Variants in TAS2R1 observed in about 807,000 individuals in gnomAD.
The protein encoded by TAS2R1 is taste receptor type 2 member 1.
For missense variants in TAS2R1, 370 were observed against 353.4 expected, an observed-to-expected ratio of 1.05 and a Z score of -0.38; for synonymous variants, 141 against 134.2, an observed-to-expected ratio of 1.05 and a Z score of -0.35.
chr5:9,666,766 C>A (rs765652916), intron 1 of TAS2R1, among the ~76,000 whole-genome samples: 3 of 152,034 alleles, frequency 2.0e-5, no homozygotes, highest in Non-Finnish European at 2.9e-5. Flanking sequence ...TCAGTTACAA[C>A]AACAAATGTG....
At chr5:9,847,133 T>G in the TAS2R1 span, among the ~76,000 whole-genome samples, 2 of 152,170 alleles carry the variant, frequency 1.3e-5, no homozygotes, top group Non-Finnish European at 2.9e-5. Context: ...TCACAAAACC[T>G]TACACGCTGA....
At chr5:9,635,028 C>G (rs1373250293), upstream of TAS2R1, among the ~76,000 whole-genome samples, 3 of 152,062 alleles carry the variant, frequency 2.0e-5, no homozygotes, top group East Asian at 5.8e-4. Flanking sequence ...TGTTCTAGTT[C>G]TCAGGGAGAA....
the TAS2R1 span, among the ~76,000 whole-genome samples, chr5:9,752,858 T>C: frequency 1.3e-5 from 2 of 152,294 alleles, no homozygotes; most frequent in African/African-American, 4.8e-5. Flanking sequence ...TTCATCCATG[T>C]CCCTACAAAG....
In TAS2R1 at chr5:9,630,149, T is replaced by A; in HGVS notation, c.-117A>T. ...CTCCTCTGGGGAAGAAGACTAACAA[T>A]AAAGGCATGGGGCAGGAAGGTGGTG... On this transcript the variant is annotated 5_prime_UTR_variant, in exon 1 of 1. Coordinates refer to ENST00000382492, the MANE Select transcript of TAS2R1 (RefSeq NM_019599.3). The A allele has an allele frequency of 1.2e-6, 1 of 826,324 alleles. No individual in the cohort carries two copies. Among genetic ancestry groups the A allele is most frequent in the Non-Finnish European group, 1.8e-6 (1 of 547,314 alleles). The allele number at this position is 826,324 out of a possible 1,614,324, so 51.2% of individuals were successfully genotyped here. A position where few individuals can be genotyped will look rare whatever the true frequency, so the allele number is the denominator to read the frequency against.
the TAS2R1 span, among the ~76,000 whole-genome samples, chr5:9,866,863 C>T: frequency 6.6e-6 from 1 of 152,180 alleles, no homozygotes; most frequent in Non-Finnish European, 1.5e-5. Flanking sequence ...GTATCTTAGC[C>T]CCAGAAATGC....
rs747416313 is a variant in TAS2R1, at chr5:9,629,273, T to C, written c.760A>G (p.Ile254Val). 6.2e-7 allele frequency: 1 copy of C among 1,614,050 alleles called. No homozygotes were observed. Among genetic ancestry groups the C allele is most frequent in the Middle Eastern group, 1.6e-4 (1 of 6,062 alleles). ...AAGAACAGAAAGATGAACCTTCTGA[T>C]GTGAAACTTTAGAGAAGAGAGAAAA... Reference protein sequence around the residue: ...KVFLSSLKFHIRRFIFLFFIL... With the variant: ...KVFLSSLKFHVRRFIFLFFIL... The change falls in exon 1 of 1, where the codon ATC becomes GTC. Residue 254 changes from isoleucine (I) to valine (V), a missense_variant. Ile to Val is a conservative substitution (Grantham distance 29, BLOSUM62 3). Coordinates refer to ENST00000382492, the MANE Select transcript of TAS2R1 (RefSeq NM_019599.3).
At chr5:9,717,580 G>A in the TAS2R1 span, among the ~76,000 whole-genome samples, 77 of 152,056 alleles carry the variant, frequency 5.1e-4, 1 homozygote, top group African/African-American at 1.6e-3. Flanking sequence ...GGATAATACC[G>A]CTACCAGATG....
the TAS2R1 span, among the ~76,000 whole-genome samples, chr5:9,880,981 G>C: frequency 6.6e-6 from 1 of 152,114 alleles, no homozygotes; most frequent in African/African-American, 2.4e-5. Flanking sequence ...CCCTGGGACT[G>C]AGCCCCTGGG....
chr5:9,663,703 A>G (rs1270069693), intron 1 of TAS2R1, among the ~76,000 whole-genome samples: 2 of 152,232 alleles, frequency 1.3e-5, no homozygotes, highest in African/African-American at 4.8e-5. Flanking sequence ...TGTGACACTC[A>G]GAAAAATCTC....
the TAS2R1 span, among the ~76,000 whole-genome samples, chr5:9,722,056 C>T: frequency 6.6e-6 from 1 of 152,208 alleles, no homozygotes; most frequent in Non-Finnish European, 1.5e-5. Flanking sequence ...CTCTCTCTCT[C>T]TTCTTACTTG....
At chr5:9,855,887 G>C in the TAS2R1 span, among the ~76,000 whole-genome samples, 3 of 152,080 alleles carry the variant, frequency 2.0e-5, no homozygotes, top group Non-Finnish European at 4.4e-5. Flanking sequence ...TGGTTAAGAA[G>C]TGCTAAAAGA....
chr5:9,669,218 C>A (rs760928607), intron 1 of TAS2R1, among the ~76,000 whole-genome samples: 7 of 152,086 alleles, frequency 4.6e-5, no homozygotes, highest in Non-Finnish European at 7.4e-5. Flanking sequence ...ACCTAACTAT[C>A]CTATAAATGT....
chr5:9,793,324 G>A, the TAS2R1 span, among the ~76,000 whole-genome samples: 1 of 152,176 alleles, frequency 6.6e-6, no homozygotes, highest in Non-Finnish European at 1.5e-5. Context: ...CACATGTTAG[G>A]GAAGTTTGGT....
chr5:9,677,438 C>G, intron 1 of TAS2R1, among the ~76,000 whole-genome samples: 1 of 115,186 alleles, frequency 8.7e-6, no homozygotes, highest in Non-Finnish European at 1.9e-5. Flanking sequence ...AACCAAAAGA[C>G]AAGACAGAAT....
At chr5:9,728,861 T>A in the TAS2R1 span, among the ~76,000 whole-genome samples, 4 of 152,174 alleles carry the variant, frequency 2.6e-5, no homozygotes, top group African/African-American at 9.7e-5. Context: ...GGCATCTCGA[T>A]CTCAGCAGGG....
chr5:9,798,321 T>A, the TAS2R1 span, among the ~76,000 whole-genome samples: 3 of 152,204 alleles, frequency 2.0e-5, no homozygotes, highest in Non-Finnish European at 4.4e-5. Flanking sequence ...TGGTGATAAT[T>A]GTACAATTCT....
chr5:9,680,030 T>C (rs888069064), intron 1 of TAS2R1, among the ~76,000 whole-genome samples: 1 of 152,062 alleles, frequency 6.6e-6, no homozygotes, highest in Non-Finnish European at 1.5e-5. Flanking sequence ...TAGAGTCAGA[T>C]AGTAAGGAAG....
the TAS2R1 span, among the ~76,000 whole-genome samples, chr5:9,895,173 A>G: frequency 3.3e-5 from 5 of 152,172 alleles, no homozygotes; most frequent in South Asian, 2.1e-4. Context: ...GTGATGGGGG[A>G]GAAGGAAGGG....
chr5:9,666,276 A>C (rs1467955544), intron 1 of TAS2R1, among the ~76,000 whole-genome samples: 1 of 152,180 alleles, frequency 6.6e-6, no homozygotes, highest in Admixed American at 6.5e-5. Context: ...AATCTCCATG[A>C]CTGAGAGACC....
Sources: allele counts gnomAD v4.1 joint callset (sites outside exome capture counted in the v4.1 genomes callset), GRCh38; gene constraint gnomAD v4.1.1; transcripts MANE v1.5; gene names NCBI Gene and HGNC (gene_info 2026-07-23, HGNC 2026-07-21).